Variants in PTPN13 observed in about 807,000 individuals in gnomAD.
PTPN13 encodes the protein protein tyrosine phosphatase non-receptor type 13.
In PTPN13, 191 loss-of-function variants were observed where a neutral mutation model predicts 284.0. That is an observed-to-expected ratio of 0.67 (90% CI 0.60 to 0.76). PTPN13 has a LOEUF of 0.76. Ranked by LOEUF, PTPN13 falls within the 30% of genes least tolerant of loss-of-function variation. The pLI is 0.00. For missense variants in PTPN13, 2,797 were observed against 2,939.9 expected, an observed-to-expected ratio of 0.95 and a Z score of 1.12; for synonymous variants, 986 against 1,022.3, an observed-to-expected ratio of 0.96 and a Z score of 0.68.
intron 20 of PTPN13, among the ~76,000 whole-genome samples, chr4:86,754,523 TAG>T (rs1175475015): frequency 1.3e-5 from 2 of 151,884 alleles, no homozygotes; most frequent in Admixed American, 6.6e-5. Flanking sequence ...AACCAAAGCA[TAG>T]AGAGTTAAGT....
intron 7 of PTPN13, among the ~76,000 whole-genome samples, chr4:86,714,303 G>A (rs1267454193): frequency 6.6e-6 from 1 of 152,092 alleles, no homozygotes; most frequent in African/African-American, 2.4e-5. Context: ...AATATCTTGG[G>A]ATTGCCTCTG....
intron 1 of PTPN13, among the ~76,000 whole-genome samples, chr4:86,632,565 T>G (rs997495123): frequency 6.6e-6 from 1 of 152,060 alleles, no homozygotes; most frequent in African/African-American, 2.4e-5. Context: ...CCCTAACCCC[T>G]CTAGCCCTCA....
chr4:86,616,647 T>C (rs566624900), intron 1 of PTPN13, among the ~76,000 whole-genome samples: 1 of 152,066 alleles, frequency 6.6e-6, no homozygotes, highest in South Asian at 2.1e-4. Context: ...TGTTTAAAAG[T>C]ATGTGACACC....
chr4:86,726,797 C>G lies in PTPN13; in HGVS notation c.1608+4363C>G, dbSNP rs184910062. ...ACTTCCTCTTTTCCTAATTGAATAC[C>G]CTTTATTTCTTTCTCTTGCCTGATT... On this transcript the variant is annotated intron_variant, in intron 10 of 47. Coordinates refer to ENST00000411767, the MANE Select transcript of PTPN13 (RefSeq NM_080683.3). 6.0e-3 allele frequency among the ~76,000 whole-genome samples: 900 copies of G among 149,088 alleles called. 44 individuals carry two copies. Among genetic ancestry groups the G allele is most frequent in the African/African-American group, 0.02 (832 of 40,960 alleles).
intron 1 of PTPN13, among the ~76,000 whole-genome samples, chr4:86,618,508 T>C (rs538364772): frequency 6.6e-6 from 1 of 152,316 alleles, no homozygotes; most frequent in Admixed American, 6.5e-5. Flanking sequence ...ATCTATAAAT[T>C]ACCTTGGGCA....
At chr4:86,601,094 CAT>C (rs1223149793) in intron 1 of PTPN13, among the ~76,000 whole-genome samples, 1 of 152,062 alleles carries the variant, frequency 6.6e-6, no homozygotes, top group African/African-American at 2.4e-5. Context: ...CAATGTATAA[CAT>C]ATGTGAATTT....
Position 86,595,898 on chromosome 4 carries a change from A to G in PTPN13, c.-6+1109A>G, listed in dbSNP as rs532275133. On this transcript the variant is annotated intron_variant, in intron 1 of 47. Coordinates refer to ENST00000411767, the MANE Select transcript of PTPN13 (RefSeq NM_080683.3). ...ATGAAACAAGCTTAGGTATTTTCCT[A>G]AAGTCTTCATGACTGTGTTGGCAGG... 71 of 424,494 alleles carry G rather than the reference A, an allele frequency of 1.7e-4. 1 individual carries two copies. The South Asian group carries it at 5.6e-3, about 33-fold the overall frequency. 26.3% of individuals were successfully genotyped at this position (424,494 alleles called of 1,614,324 possible).
intron 7 of PTPN13, among the ~76,000 whole-genome samples, chr4:86,714,068 CAA>C (rs33992132): frequency 8.9e-4 from 97 of 108,762 alleles, no homozygotes; most frequent in African/African-American, 1.3e-3. Context: ...TCTTCAGTGT[CAA>C]AAAAAAAAAA....
chr4:86,735,469 C>G, intron 14 of PTPN13, 125 bp from the exon 15 acceptor site: 1 of 982,124 alleles, frequency 1.0e-6, no homozygotes, highest in Non-Finnish European at 1.5e-6. Context: ...ACTCATTCCT[C>G]AGAGAGAGAG....
At chr4:86,725,607 A>G (rs905891131) in intron 10 of PTPN13, among the ~76,000 whole-genome samples, 1 of 149,594 alleles carries the variant, frequency 6.7e-6, no homozygotes, top group African/African-American at 2.4e-5. Flanking sequence ...TTGGCTGCAT[A>G]AATGTCTTCT....
chr4:86,807,506 C>G, intron 44 of PTPN13, 54 bp from the exon 45 acceptor site: 1 of 1,360,734 alleles, frequency 7.3e-7, no homozygotes, highest in Non-Finnish European at 1.0e-6. Flanking sequence ...TTGTAAGACT[C>G]TTGTTTAAAA....
intron 2 of PTPN13, among the ~76,000 whole-genome samples, chr4:86,655,802 G>A (rs1007663596): frequency 6.6e-6 from 1 of 152,130 alleles, no homozygotes; most frequent in African/African-American, 2.4e-5. Flanking sequence ...TTGCTAGGTT[G>A]GGGAAGTTCT....
At chr4:86,694,688 C>G (rs577929980) in intron 6 of PTPN13, among the ~76,000 whole-genome samples, 85 of 150,020 alleles carry the variant, frequency 5.7e-4, no homozygotes, top group African/African-American at 1.9e-3. Context: ...TCAGGCATGG[C>G]TTATTTATAA....
intron 2 of PTPN13, among the ~76,000 whole-genome samples, chr4:86,670,997 C>T (rs2148889081): frequency 6.6e-6 from 1 of 152,244 alleles, no homozygotes; most frequent in African/African-American, 2.4e-5. Flanking sequence ...GCTTTGAGGA[C>T]CATTGGTCTA....
chr4:86,775,679 G>A, intron 35 of PTPN13, 27 bp downstream of exon 35: 2 of 1,534,088 alleles, frequency 1.3e-6, no homozygotes, highest in Non-Finnish European at 1.8e-6. Context: ...TATGAGTTTT[G>A]ATTGTGCGTG....
At chr4:86,758,905 T>C (rs1168573010) in intron 22 of PTPN13, 37 bp from the exon 23 acceptor site, 1 of 1,600,158 alleles carries the variant, frequency 6.2e-7, no homozygotes, top group Non-Finnish European at 8.5e-7. Flanking sequence ...TAAATGTATC[T>C]TTGTTGTTGA....
chr4:86,666,310 G>T (rs1483795791), intron 2 of PTPN13, among the ~76,000 whole-genome samples: 2 of 674 alleles, frequency 3.0e-3, no homozygotes. Flanking sequence ...TCGTAGACTT[G>T]CATTAAGGAC....
intron 2 of PTPN13, among the ~76,000 whole-genome samples, chr4:86,648,580 A>G (rs1724712170): frequency 6.6e-6 from 1 of 152,140 alleles, no homozygotes; most frequent in Admixed American, 6.5e-5. Flanking sequence ...ATATGGCCAA[A>G]TAATATCTGT....
At chr4:86,766,012 G>A (rs1305641437) in intron 26 of PTPN13, among the ~76,000 whole-genome samples, 1 of 152,074 alleles carries the variant, frequency 6.6e-6, no homozygotes, top group Non-Finnish European at 1.5e-5. Context: ...ATTTTTAGTA[G>A]AGACAGGTTT....
Sources: allele counts gnomAD v4.1 joint callset (sites outside exome capture counted in the v4.1 genomes callset), GRCh38; gene constraint gnomAD v4.1.1; transcripts MANE v1.5; gene names NCBI Gene and HGNC (gene_info 2026-07-23, HGNC 2026-07-21).